The following CCNI variants were observed in gnomAD, a reference collection of about 807,000 sequenced individuals.
The protein encoded by CCNI is cyclin I.
In CCNI, 14 loss-of-function variants were observed where a neutral mutation model predicts 34.1. The observed-to-expected ratio is 0.41, with a 90% CI of 0.27 to 0.64. CCNI has a LOEUF of 0.64. Ranked by LOEUF, CCNI falls within the 30% of genes least tolerant of loss-of-function variation. The pLI is 0.31. For missense variants in CCNI, 385 were observed against 440.5 expected (o/e 0.87, Z 1.13); for synonymous variants, 154 against 158.4 (o/e 0.97, Z 0.21).
intron 2 of CCNI, among the ~76,000 whole-genome samples, chr4:77,062,970 G>A (rs1167666117): frequency 6.6e-6 from 1 of 152,184 alleles, no homozygotes; most frequent in Non-Finnish European, 1.5e-5. Context: ...CTTACTTTGA[G>A]TCTATTATAT....
intron 5 of CCNI, 83 bp from the exon 6 acceptor site, chr4:77,055,463 T>TA (rs2109801139): frequency 1.8e-4 from 164 of 921,260 alleles, no homozygotes; most frequent in Non-Finnish European, 2.5e-4. Flanking sequence ...CTATTCAATT[T>TA]CTTTTTTTTT....
chr4:77,056,137 A>C (rs772279174), intron 4 of CCNI, 35 bp from the exon 5 acceptor site: 9 of 1,606,476 alleles, frequency 5.6e-6, no homozygotes, highest in Admixed American at 1.7e-5. Flanking sequence ...GACAGGGAGA[A>C]AAGGACAGAA....
intron 6 of CCNI, 90 bp from the exon 7 acceptor site, chr4:77,048,752 G>A: frequency 1.1e-6 from 1 of 898,790 alleles, no homozygotes; most frequent in Non-Finnish European, 1.6e-6. Flanking sequence ...TTTCCTCCCT[G>A]TGCTTTCCGT....
chr4:77,056,181 C>T (rs991260747), intron 4 of CCNI, 68 bp downstream of exon 4: 44 of 1,595,372 alleles, frequency 2.8e-5, no homozygotes, highest in Non-Finnish European at 3.3e-5. Context: ...TTTTAGCAAA[C>T]GAAGCAAGTT....
intron 1 of CCNI, among the ~76,000 whole-genome samples, chr4:77,073,654 T>C (rs1729660575): frequency 1.3e-5 from 2 of 152,254 alleles, no homozygotes; most frequent in Admixed American, 6.5e-5. Flanking sequence ...CTGTTTCAAC[T>C]TGAAATGTCC....
In CCNI at chr4:77,047,352, T is replaced by C. The variant is rs1349129350; in HGVS notation, c.*867A>G. The C allele has an allele frequency of 1.3e-5, 2 of 152,220 alleles. No individual in the cohort carries two copies. Among genetic ancestry groups the C allele is most frequent in the East Asian group, 1.9e-4 (1 of 5,202 alleles). The allele number at this position is 152,220 out of a possible 1,614,324, so 9.4% of individuals were successfully genotyped here. A position where few individuals can be genotyped will look rare whatever the true frequency, so the allele number is the denominator to read the frequency against. On this transcript the variant is annotated 3_prime_UTR_variant, in exon 7 of 7. Transcript: ENST00000237654. The stretch of plus-strand genomic sequence containing the variant: ...AAAACTAGGGTACTAAATTCAGTTA[T>C]AACATGTTACAGACTTAAATCATAG...
intron 6 of CCNI, among the ~76,000 whole-genome samples, chr4:77,051,746 T>A (rs1727855937): frequency 6.6e-6 from 1 of 151,978 alleles, no homozygotes; most frequent in African/African-American, 2.4e-5. Flanking sequence ...TCTAATGGAG[T>A]TGATAAAAAG....
Position 77,075,711 on chromosome 4 carries a change from T to A in CCNI, c.-283A>T. On this transcript the variant is annotated 5_prime_UTR_variant, in exon 1 of 7. It removes the in-frame stop codon of an upstream open reading frame in the 5' UTR. Transcript: ENST00000237654. ...GCGGCCGCTGGGTCGGTCAGCGAATTAGTTCCATGATGACCCCCGGCCTGA... is the reference window on the plus strand; with the variant it reads ...GCGGCCGCTGGGTCGGTCAGCGAATAAGTTCCATGATGACCCCCGGCCTGA... The A allele has an allele frequency of 3.4e-6, 1 of 293,842 alleles. No individual in the cohort carries two copies. The highest frequency in any genetic ancestry group is 5.0e-6 in the Non-Finnish European group (1 of 198,146). 18.2% of individuals were successfully genotyped at this position (293,842 alleles called of 1,614,324 possible). A position where few individuals can be genotyped will look rare whatever the true frequency, so the allele number is the denominator to read the frequency against.
intron 2 of CCNI, among the ~76,000 whole-genome samples, chr4:77,061,890 C>T (rs908559665): frequency 2.6e-5 from 4 of 152,018 alleles, no homozygotes; most frequent in African/African-American, 7.3e-5. Context: ...AGGATAGTCT[C>T]GATCTCCTGA....
intron 3 of CCNI, among the ~76,000 whole-genome samples, chr4:77,057,166 C>T (rs543036578): frequency 7.1e-6 from 1 of 141,558 alleles, no homozygotes; most frequent in East Asian, 2.3e-4. Context: ...TCACTCCTCC[C>T]TCCCTCTCTA....
chr4:77,072,255 CTT>C (rs1243534576), intron 1 of CCNI, among the ~76,000 whole-genome samples: 4 of 151,922 alleles, frequency 2.6e-5, no homozygotes, highest in Non-Finnish European at 5.9e-5. Flanking sequence ...AAGAATCACT[CTT>C]TGCTCACTCT....
In CCNI at chr4:77,048,086, AT is replaced by A. The variant is rs145183332; in HGVS notation, c.*132del. The A allele has an allele frequency of 5.2e-4, 273 of 521,016 alleles. No homozygotes were observed. Among genetic ancestry groups the A allele is most frequent in the South Asian group, 9.6e-4 (31 of 32,158 alleles). The allele number at this position is 521,016 out of a possible 1,614,324, so 32.3% of individuals were successfully genotyped here. On this transcript the variant is annotated 3_prime_UTR_variant, in exon 7 of 7. Transcript: ENST00000237654. Reference sequence around the variant, plus strand: ...TAGCCACACAAATAATGAGAGTTTTATTTTTTTTTTCTGGCTCACTCCAAAT... The same window carrying A: ...TAGCCACACAAATAATGAGAGTTTTATTTTTTTTTCTGGCTCACTCCAAAT...
At position 77,048,253 on chromosome 4, in the gene CCNI, G is replaced by A. The variant is rs771128283; in HGVS notation, c.1100C>T (p.Pro367Leu). 1.2e-6 allele frequency: 2 copies of A among 1,614,038 alleles called. No individual in the cohort carries two copies. Among genetic ancestry groups the A allele is most frequent in the East Asian group, 2.2e-5 (1 of 44,876 alleles). The change falls in exon 7 of 7, where the codon CCT becomes CTT. Residue 367 changes from proline (P) to leucine (L), a missense_variant. Pro to Leu is a moderately conservative substitution (Grantham distance 98). This residue lies in a region of CCNI where 250 missense variants were observed against 248.7 expected (regional missense o/e 1.01). Transcript: ENST00000237654. ...DLSRQEGHAS[P>L]CPPLQPVSVM is the part of the protein sequence containing the mutation. ...AGAAACAGGCTGCAAAGGTGGACAA[G>A]GGGAAGCATGTCCCTCTTGTCTTGA...
intron 6 of CCNI, among the ~76,000 whole-genome samples, chr4:77,052,583 A>G (rs1051512553): frequency 2.0e-5 from 3 of 152,154 alleles, no homozygotes; most frequent in African/African-American, 4.8e-5. Flanking sequence ...CTCAGGCAGA[A>G]CTAGTGAGAG....
In CCNI at chr4:77,070,474, C is replaced by CTT. The variant is rs543086530; in HGVS notation, c.-43-4071_-43-4070dup. Among the ~76,000 whole-genome samples the CTT allele has an allele frequency of 3.3e-3, 398 of 119,162 alleles. 3 individuals carry two copies. Among genetic ancestry groups the CTT allele is most frequent in the African/African-American group, 0.01 (333 of 32,766 alleles). 78.2% of individuals were successfully genotyped at this position (119,162 alleles called of 152,430 possible). On this transcript the variant is annotated intron_variant, in intron 1 of 6. Transcript: ENST00000237654. ...ATTGTGTGCGAGGTTTGGGTACTTT[C>CTT]TTTTTTTTTTTTTTTTTTTGACACA...
intron 1 of CCNI, among the ~76,000 whole-genome samples, chr4:77,071,639 A>G (rs1312735793): frequency 6.6e-6 from 1 of 152,224 alleles, no homozygotes; most frequent in African/African-American, 2.4e-5. Flanking sequence ...CAGAGGACAA[A>G]TTACTAAAAT....
At chr4:77,066,188 G>A in intron 2 of CCNI, 61 bp downstream of exon 2, 1 of 1,298,846 alleles carries the variant, frequency 7.7e-7, no homozygotes, top group Non-Finnish European at 1.1e-6. Flanking sequence ...ATATTATTAT[G>A]TATGGCAGTA....
intron 3 of CCNI, among the ~76,000 whole-genome samples, chr4:77,057,847 C>T (rs1267820054): frequency 6.6e-6 from 1 of 152,164 alleles, no homozygotes; most frequent in East Asian, 1.9e-4. Context: ...GAAAAACGTG[C>T]AATAGGCTTA....
chr4:77,062,858 G>A (rs926559964), intron 2 of CCNI, among the ~76,000 whole-genome samples: 9 of 152,170 alleles, frequency 5.9e-5, no homozygotes, highest in Non-Finnish European at 8.8e-5. Context: ...GAACTTGAAA[G>A]TACTATTACA....
Sources: allele counts gnomAD v4.1 joint callset (sites outside exome capture counted in the v4.1 genomes callset), GRCh38; gene constraint gnomAD v4.1.1; regional missense constraint gnomAD v4.1.1; transcripts MANE v1.5; gene names NCBI Gene and HGNC (gene_info 2026-07-23, HGNC 2026-07-21).